SPIDR: variants seen among roughly 807,000 people sequenced by gnomAD.
The protein encoded by SPIDR is DNA repair-scaffolding protein.
SPIDR carries 93 observed loss-of-function variants against 104.6 expected under a neutral mutation model. The ratio of observed to expected loss-of-function variants is 0.89; its 90% confidence interval spans 0.75 to 1.06. The LOEUF (loss-of-function observed/expected upper bound fraction) is 1.06, where lower values mean the gene tolerates loss of function less well. Ranked by LOEUF, SPIDR falls within the 50% of genes least tolerant of loss-of-function variation. SPIDR has a pLI of 0.00. For synonymous variants in SPIDR, 431 were observed against 416.9 expected, an observed-to-expected ratio of 1.03 and a Z score of -0.41; for missense variants, 1,154 against 1,111.2, an observed-to-expected ratio of 1.04 and a Z score of -0.55.
intron 8 of SPIDR, among the ~76,000 whole-genome samples, chr8:47,575,892 G>A (rs1457640453): frequency 6.6e-5 from 10 of 150,396 alleles, no homozygotes; most frequent in Non-Finnish European, 1.2e-4. Context: ...CCTGGCAGGC[G>A]GAGGTTGCAG....
intron 8 of SPIDR, among the ~76,000 whole-genome samples, chr8:47,499,205 CAT>C (rs1218259277): frequency 2.0e-5 from 3 of 152,196 alleles, no homozygotes; most frequent in Non-Finnish European, 2.9e-5. Context: ...GTACGTAACA[CAT>C]TGCTTGATGC....
Position 47,735,646 on chromosome 8 carries a change from TTATC to T in SPIDR, c.*198_*201del, listed in dbSNP as rs1253410177. 12 of 1,131,708 alleles carry T rather than the reference TTATC, an allele frequency of 1.1e-5. No individual in the cohort carries two copies. In the East Asian group the frequency reaches 2.9e-4, roughly 27 times the overall value. 70.1% of individuals were successfully genotyped at this position (1,131,708 alleles called of 1,614,324 possible). A position where few individuals can be genotyped will look rare whatever the true frequency, so the allele number is the denominator to read the frequency against. Reference sequence around the variant, plus strand: ...AAATCAAAATACCTTTTTCTACAGTTTATCTTTTATTTTCTGCAAATTTAGGAAC... The same window carrying T: ...AAATCAAAATACCTTTTTCTACAGTTTTTTATTTTCTGCAAATTTAGGAAC... On this transcript the variant is annotated 3_prime_UTR_variant, in exon 20 of 20. Transcript: ENST00000297423.
rs1016645201 is a variant in SPIDR, at chr8:47,456,530, T to C, written c.1097+15988T>C. Among the ~76,000 whole-genome samples the C allele has an allele frequency of 6.6e-5, 10 of 152,292 alleles. No individual in the cohort carries two copies. In the East Asian group the frequency reaches 1.7e-3, roughly 26 times the overall value. On this transcript the variant is annotated intron_variant, in intron 8 of 19. Transcript: ENST00000297423. ...CTAGAAATCACTAACAGAAGGAAAC[T>C]GTAAAATTAATAAACATGTGGAAAT... is the stretch of plus-strand genomic sequence containing the variant.
At chr8:47,696,475 A>T (rs906768171) in intron 11 of SPIDR, among the ~76,000 whole-genome samples, 1 of 152,208 alleles carries the variant, frequency 6.6e-6, no homozygotes, top group Non-Finnish European at 1.5e-5. Flanking sequence ...AAATGTTTTT[A>T]AAATTAAAGT....
chr8:47,727,393 G>A lies in SPIDR; in HGVS notation c.2435+100G>A, dbSNP rs1041946521. ...CCTTGCTACCTCAGGTGACTCCCTC[G>A]AGAGCTCAAGGGGCAACCTCTGCCT... On this transcript the variant is annotated intron_variant, in intron 17 of 19. Transcript: ENST00000297423. The A allele has an allele frequency of 1.1e-4, 116 of 1,058,776 alleles. 1 individual carries two copies. In the Middle Eastern group the frequency reaches 1.2e-3, roughly 11 times the overall value. 65.6% of individuals were successfully genotyped at this position (1,058,776 alleles called of 1,614,324 possible).
chr8:47,415,773 G>A (rs543569433), intron 7 of SPIDR, among the ~76,000 whole-genome samples: 3 of 152,116 alleles, frequency 2.0e-5, no homozygotes. Flanking sequence ...CACAGCTCTG[G>A]TTTTTTTGTT....
At chr8:47,353,982 G>C (rs922438492) in intron 5 of SPIDR, among the ~76,000 whole-genome samples, 5 of 151,742 alleles carry the variant, frequency 3.3e-5, no homozygotes, top group African/African-American at 9.7e-5. Context: ...TGCTTTTAAG[G>C]CTTCATATAC....
chr8:47,301,302 A>G (rs1192961861), intron 5 of SPIDR, among the ~76,000 whole-genome samples: 7 of 151,920 alleles, frequency 4.6e-5, no homozygotes, highest in Non-Finnish European at 8.8e-5. Context: ...TTCCTTGTAG[A>G]TCTTCCTTCA....
intron 7 of SPIDR, among the ~76,000 whole-genome samples, chr8:47,417,076 A>G (rs1316675833): frequency 5.3e-5 from 8 of 152,124 alleles, no homozygotes; most frequent in South Asian, 2.1e-4. Flanking sequence ...GAATAGTGCC[A>G]CAATAAACAT....
At chr8:47,488,150 T>C (rs1444177982) in intron 8 of SPIDR, among the ~76,000 whole-genome samples, 2 of 151,820 alleles carry the variant, frequency 1.3e-5, no homozygotes, top group African/African-American at 4.8e-5. Context: ...ATAGACACAA[T>C]AAAAAATGAT....
chr8:47,722,026 TGC>T (rs1164854629), intron 16 of SPIDR, among the ~76,000 whole-genome samples: 1 of 152,224 alleles, frequency 6.6e-6, no homozygotes, highest in Non-Finnish European at 1.5e-5. Flanking sequence ...GGAATATCTT[TGC>T]ATTTATTTAT....
intron 11 of SPIDR, among the ~76,000 whole-genome samples, chr8:47,694,417 C>T (rs994842031): frequency 9.9e-5 from 15 of 151,774 alleles, no homozygotes; most frequent in African/African-American, 3.6e-4. Flanking sequence ...AGAGGGGAGA[C>T]AATCTAAAGA....
intron 7 of SPIDR, among the ~76,000 whole-genome samples, chr8:47,429,525 AT>A (rs776955148): frequency 6.6e-6 from 1 of 152,226 alleles, no homozygotes; most frequent in Non-Finnish European, 1.5e-5. Context: ...ATTCCCCAAA[AT>A]ATAAGCAAAT....
intron 14 of SPIDR, among the ~76,000 whole-genome samples, chr8:47,710,868 C>T (rs2081779552): frequency 6.6e-6 from 1 of 152,068 alleles, no homozygotes; most frequent in East Asian, 1.9e-4. Context: ...CAACATTGAC[C>T]TCTTGGGCCC....
At chr8:47,667,440 GAAA>G (rs528607871) in intron 10 of SPIDR, among the ~76,000 whole-genome samples, 1 of 52,604 alleles carries the variant, frequency 1.9e-5, no homozygotes, top group African/African-American at 7.5e-5. Context: ...CTTCAAAAGG[GAAA>G]AAAAAAAAAA....
chr8:47,422,853 G>C (rs914496235), intron 7 of SPIDR, among the ~76,000 whole-genome samples: 5 of 152,082 alleles, frequency 3.3e-5, no homozygotes, highest in Non-Finnish European at 5.9e-5. Flanking sequence ...TCCCTCCTGA[G>C]TAGCTGACTT....
At chr8:47,439,377 C>T (rs1173913363) in intron 7 of SPIDR, among the ~76,000 whole-genome samples, 1 of 152,132 alleles carries the variant, frequency 6.6e-6, no homozygotes, top group Non-Finnish European at 1.5e-5. Flanking sequence ...AGGTGTCATA[C>T]TCTGTATATC....
At chr8:47,364,788 C>T (rs1285495205) in intron 5 of SPIDR, among the ~76,000 whole-genome samples, 1 of 152,118 alleles carries the variant, frequency 6.6e-6, no homozygotes, top group Non-Finnish European at 1.5e-5. Context: ...TAATCATTAC[C>T]TTTTTTCTGA....
chr8:47,500,115 G>C (rs1021610246), intron 8 of SPIDR, among the ~76,000 whole-genome samples: 1 of 152,158 alleles, frequency 6.6e-6, no homozygotes, highest in African/African-American at 2.4e-5. Flanking sequence ...ATATGCATGT[G>C]TCTTTATAGC....
Sources: allele counts gnomAD v4.1 joint callset (sites outside exome capture counted in the v4.1 genomes callset), GRCh38; gene constraint gnomAD v4.1.1; transcripts MANE v1.5; gene names NCBI Gene and HGNC (gene_info 2026-07-23, HGNC 2026-07-21).